The following ANO4 variants were observed in gnomAD, a reference collection of about 807,000 sequenced individuals.
ANO4 encodes the protein anoctamin 4.
In ANO4, 69 loss-of-function variants were observed where a neutral mutation model predicts 141.9. The ratio of observed to expected loss-of-function variants is 0.49; its 90% confidence interval spans 0.40 to 0.59. The LOEUF (loss-of-function observed/expected upper bound fraction) is 0.59. Ranked by LOEUF, ANO4 falls within the 20% of genes least tolerant of loss-of-function variation. The pLI, the probability that ANO4 is intolerant of heterozygous loss-of-function variation, is 0.00. For missense variants in ANO4, 894 were observed against 1,162.2 expected (o/e 0.77, Z 3.36); for synonymous variants, 350 against 394.3 (o/e 0.89, Z 1.33).
intron 1 of ANO4, among the ~76,000 whole-genome samples, chr12:100,832,151 C>T (rs544930031): frequency 3.3e-5 from 5 of 152,120 alleles, no homozygotes; most frequent in East Asian, 1.9e-4. Context: ...TCATTCCCCA[C>T]CCCCCAATCC....
intron 7 of ANO4, among the ~76,000 whole-genome samples, chr12:100,979,179 AG>A (rs1465647702): frequency 2.6e-5 from 4 of 152,192 alleles, no homozygotes; most frequent in Non-Finnish European, 5.9e-5. Flanking sequence ...TTCCACAAGG[AG>A]GGCTGTGCTT....
In ANO4 at chr12:101,066,997, C is replaced by CAAAAA. The variant is rs34416390; in HGVS notation, c.1313-12180_1313-12176dup. ...ATGTACCCTAGAACTTAAAGTATAA[C>CAAAAA]AAAAAAAAAAAAAAAAAAAAGAAAG... On this transcript the variant is annotated intron_variant, in intron 14 of 27. Coordinates refer to ENST00000392977, the MANE Select transcript of ANO4 (RefSeq NM_001286615.2). The CAAAAA allele has an allele frequency of 8.0e-3, 1,448 of 179,910 alleles. 16 individuals carry two copies. Among genetic ancestry groups the CAAAAA allele is most frequent in the African/African-American group, 0.041 (1,019 of 24,912 alleles). 11.1% of individuals were successfully genotyped at this position (179,910 alleles called of 1,614,324 possible). A position where few individuals can be genotyped will look rare whatever the true frequency, so the allele number is the denominator to read the frequency against.
chr12:100,867,538 A>G (rs2038809615), intron 1 of ANO4, among the ~76,000 whole-genome samples: 1 of 152,108 alleles, frequency 6.6e-6, no homozygotes, highest in Admixed American at 6.5e-5. Flanking sequence ...TGTAGAGGAC[A>G]AACTGCTTTA....
At chr12:100,971,827 A>G (rs569000835) in intron 6 of ANO4, among the ~76,000 whole-genome samples, 1 of 152,120 alleles carries the variant, frequency 6.6e-6, no homozygotes, top group South Asian at 2.1e-4. Context: ...CAAGTGCAAG[A>G]AATTTCATGA....
chr12:100,912,653 G>A (rs2041165252), intron 2 of ANO4, among the ~76,000 whole-genome samples: 3 of 152,154 alleles, frequency 2.0e-5, no homozygotes, highest in Admixed American at 2.0e-4. Flanking sequence ...CCCCTTTTCT[G>A]AAAATAGACA....
intron 1 of ANO4, among the ~76,000 whole-genome samples, chr12:100,868,655 G>A (rs2038881188): frequency 3.9e-5 from 6 of 152,064 alleles, no homozygotes; most frequent in Admixed American, 3.9e-4. Flanking sequence ...ACCACACCCA[G>A]GGCAGCCACC....
intron 1 of ANO4, among the ~76,000 whole-genome samples, chr12:100,828,527 G>A (rs1279474216): frequency 6.6e-6 from 1 of 152,064 alleles, no homozygotes; most frequent in Non-Finnish European, 1.5e-5. Flanking sequence ...TTACACGTAT[G>A]AGTCCCTATC....
intron 1 of ANO4, among the ~76,000 whole-genome samples, chr12:100,894,838 C>T (rs979970793): frequency 2.0e-5 from 3 of 151,436 alleles, no homozygotes; most frequent in Non-Finnish European, 4.4e-5. Flanking sequence ...TGGTGGCGGG[C>T]GCCTGTAGTC....
At chr12:100,723,123 T>A (rs1159488574) in intron 1 of ANO4, among the ~76,000 whole-genome samples, 1 of 152,224 alleles carries the variant, frequency 6.6e-6, no homozygotes, top group East Asian at 1.9e-4. Context: ...CAGCCCTTCA[T>A]ATTTTGTAAA....
chr12:100,929,382 G>C (rs1041034893), intron 3 of ANO4, among the ~76,000 whole-genome samples: 1 of 151,980 alleles, frequency 6.6e-6, no homozygotes, highest in Non-Finnish European at 1.5e-5. Flanking sequence ...GTCTTTCTGT[G>C]CCTGGCTCAT....
intron 7 of ANO4, among the ~76,000 whole-genome samples, chr12:100,983,793 TC>T: frequency 6.6e-6 from 1 of 152,180 alleles, no homozygotes; most frequent in Non-Finnish European, 1.5e-5. Flanking sequence ...TTCAGGATGC[TC>T]CCCCTATCTT....
chr12:100,884,367 C>T (rs1258713867), intron 1 of ANO4, among the ~76,000 whole-genome samples: 1 of 152,192 alleles, frequency 6.6e-6, no homozygotes, highest in African/African-American at 2.4e-5. Context: ...TTCACAGTCT[C>T]CCTCCTCCAC....
At chr12:100,765,946 C>T (rs2033064363) in intron 3 of ANO4, among the ~76,000 whole-genome samples, 1 of 151,658 alleles carries the variant, frequency 6.6e-6, no homozygotes, top group South Asian at 2.1e-4. Context: ...ACTCCGGTCA[C>T]CATGCTATAT....
chr12:100,921,965 A>G (rs2136104481), intron 2 of ANO4, among the ~76,000 whole-genome samples: 1 of 152,230 alleles, frequency 6.6e-6, no homozygotes, highest in Middle Eastern at 3.4e-3. Context: ...AGTAAATACT[A>G]TGAAGTGTGT....
At chr12:100,774,316 G>A (rs78153975) in intron 3 of ANO4, among the ~76,000 whole-genome samples, 5 of 152,204 alleles carry the variant, frequency 3.3e-5, no homozygotes, top group Non-Finnish European at 7.4e-5. Flanking sequence ...TAAACCCAAA[G>A]CAAATTATCT....
intron 7 of ANO4, among the ~76,000 whole-genome samples, chr12:100,979,596 A>G (rs2044357914): frequency 6.6e-6 from 1 of 152,208 alleles, no homozygotes; most frequent in Non-Finnish European, 1.5e-5. Flanking sequence ...AAGAGGGGAC[A>G]GGATTTAAAA....
intron 15 of ANO4, among the ~76,000 whole-genome samples, chr12:101,080,880 ATAT>A (rs1566219424): frequency 1.1e-5 from 1 of 94,340 alleles, no homozygotes; most frequent in Non-Finnish European, 2.2e-5. Context: ...ATATATATAT[ATAT>A]TATATATATA....
intron 8 of ANO4, among the ~76,000 whole-genome samples, chr12:101,013,709 T>C (rs1182912333): frequency 1.3e-5 from 2 of 152,242 alleles, no homozygotes; most frequent in Admixed American, 6.5e-5. Flanking sequence ...TTAGTTTTAC[T>C]AGTCACAGTT....
intron 1 of ANO4, among the ~76,000 whole-genome samples, chr12:100,732,651 A>G (rs1341612508): frequency 6.6e-6 from 1 of 151,882 alleles, no homozygotes; most frequent in Non-Finnish European, 1.5e-5. Flanking sequence ...TGTTTTTCCT[A>G]TGTTATCTTC....
Sources: allele counts gnomAD v4.1 joint callset (sites outside exome capture counted in the v4.1 genomes callset), GRCh38; gene constraint gnomAD v4.1.1; transcripts MANE v1.5; gene names NCBI Gene and HGNC (gene_info 2026-07-23, HGNC 2026-07-21).